RASGRP3: variants seen among roughly 807,000 people sequenced by gnomAD.
RASGRP3 encodes RAS guanyl releasing protein 3, also known as ras guanyl-releasing protein 3.
RASGRP3 carries 54 observed loss-of-function variants against 82.7 expected under a neutral mutation model. The observed-to-expected ratio is 0.65, with a 90% CI of 0.52 to 0.82. RASGRP3 has a LOEUF of 0.82. Among genes scored for constraint, RASGRP3 ranks in the 40% least tolerant of loss-of-function variants. RASGRP3 has a pLI of 0.00. For missense variants in RASGRP3, 861 were observed against 828.9 expected, an observed-to-expected ratio of 1.04 and a Z score of -0.48; for synonymous variants, 309 against 300.5, an observed-to-expected ratio of 1.03 and a Z score of -0.29.
At chr2:33,468,887 G>A (rs1194658402) in intron 2 of RASGRP3, among the ~76,000 whole-genome samples, 1 of 152,146 alleles carries the variant, frequency 6.6e-6, no homozygotes, top group African/African-American at 2.4e-5. Flanking sequence ...AGGAACTGCT[G>A]AGTTAAAGGG....
In RASGRP3 at chr2:33,551,469, A is replaced by G. The variant is rs558452193; in HGVS notation, c.1542+1718A>G. Among the ~76,000 whole-genome samples, 68 of 152,304 alleles carry G rather than the reference A, an allele frequency of 4.5e-4. 1 individual carries two copies. In the South Asian group the frequency reaches 9.3e-3, roughly 21 times the overall value. On this transcript the variant is annotated intron_variant, in intron 14 of 17. Coordinates refer to ENST00000403687, the MANE Select transcript of RASGRP3 (RefSeq NM_001139488.2). ...AAACAAAAGGTCAGGCTGCTGGGCC[A>G]TGGTATGGCTCAGCCAAAAGTCAGG... is the stretch of plus-strand genomic sequence containing the variant.
At chr2:33,439,828 G>A (rs543122387) in intron 1 of RASGRP3, among the ~76,000 whole-genome samples, 40 of 152,234 alleles carry the variant, frequency 2.6e-4, no homozygotes, top group African/African-American at 9.1e-4. Flanking sequence ...ACCTGGGGCC[G>A]ATGAGAAGTT....
intron 1 of RASGRP3, among the ~76,000 whole-genome samples, chr2:33,445,804 AC>A (rs1284751988): frequency 1.3e-5 from 2 of 152,134 alleles, no homozygotes; most frequent in African/African-American, 4.8e-5. Context: ...CAACAAAACC[AC>A]CTTGAATTCA....
chr2:33,517,842 C>A (rs766040213), intron 4 of RASGRP3, among the ~76,000 whole-genome samples: 1 of 152,156 alleles, frequency 6.6e-6, no homozygotes, highest in Non-Finnish European at 1.5e-5. Context: ...GATATTTAGG[C>A]ATAGTAACGT....
intron 1 of RASGRP3, among the ~76,000 whole-genome samples, chr2:33,497,224 GATAA>G (rs1669407775): frequency 6.6e-6 from 1 of 152,134 alleles, no homozygotes; most frequent in Non-Finnish European, 1.5e-5. Flanking sequence ...AGGGTGCTAA[GATAA>G]ATAAATATAT....
upstream of RASGRP3, chr2:33,476,269 C>T (rs911245772): frequency 6.6e-6 from 1 of 152,258 alleles, no homozygotes; most frequent in Non-Finnish European, 1.5e-5. Flanking sequence ...GTGATCCTCT[C>T]TCTTGCCGTT....
intron 17 of RASGRP3, 127 bp downstream of exon 17, chr2:33,559,157 T>C (rs1034655964): frequency 1.3e-6 from 1 of 769,898 alleles, no homozygotes; most frequent in East Asian, 2.7e-5. Flanking sequence ...AATGAAGACA[T>C]GTATCACTTT....
At chr2:33,536,447 C>T (rs542575964) in intron 11 of RASGRP3, among the ~76,000 whole-genome samples, 1 of 152,128 alleles carries the variant, frequency 6.6e-6, no homozygotes, top group South Asian at 2.1e-4. Flanking sequence ...GCCTGTCTTC[C>T]ATCCCAGTGA....
intron 2 of RASGRP3, among the ~76,000 whole-genome samples, chr2:33,453,900 G>GT (rs1346607668): frequency 6.6e-6 from 1 of 151,948 alleles, no homozygotes; most frequent in Non-Finnish European, 1.5e-5. Context: ...AAAAGTGGGG[G>GT]TTTTTTTGGG....
intron 10 of RASGRP3, among the ~76,000 whole-genome samples, chr2:33,530,130 T>G (rs1029265585): frequency 5.9e-5 from 9 of 152,328 alleles, no homozygotes; most frequent in Non-Finnish European, 1.3e-4. Context: ...CCCATATGGC[T>G]GACCACAGCT....
At chr2:33,441,968 A>T (rs1665247874) in intron 1 of RASGRP3, among the ~76,000 whole-genome samples, 2 of 152,238 alleles carry the variant, frequency 1.3e-5, no homozygotes, top group African/African-American at 2.4e-5. Context: ...ATTAAATTAC[A>T]TTATAATATT....
intron 1 of RASGRP3, among the ~76,000 whole-genome samples, chr2:33,510,783 G>A (rs1670858484): frequency 6.6e-6 from 1 of 152,116 alleles, no homozygotes; most frequent in Admixed American, 6.5e-5. Flanking sequence ...TCAGAGATAA[G>A]TCAGACTTTC....
chr2:33,519,548 A>C (rs59255895), intron 4 of RASGRP3, among the ~76,000 whole-genome samples: 3,673 of 152,296 alleles, frequency 0.024, 142 homozygotes, highest in African/African-American at 0.084. Context: ...CAGAGCTTGC[A>C]GTGAACCGAG....
chr2:33,539,325 T>C lies in RASGRP3; in HGVS notation c.1278+115T>C, dbSNP rs750682174. 2.9e-4 allele frequency: 240 copies of C among 825,870 alleles called. 1 individual carries two copies. Among genetic ancestry groups the C allele is most frequent in the Non-Finnish European group, 4.2e-4 (215 of 512,860 alleles). 51.2% of individuals were successfully genotyped at this position (825,870 alleles called of 1,614,324 possible). ...CCCCTGAAAACAACCCTCTGGCAGG[T>C]AGGAACAATTTAGCAGGCACTTAGT... On this transcript the variant is annotated intron_variant, in intron 12 of 17. Transcript: ENST00000403687.
Position 33,545,767 on chromosome 2 carries a change from A to G in RASGRP3, c.1394+2140A>G, listed in dbSNP as rs1359388867. ...AAATGCAAATCAAAACTACGATGAG[A>G]TATCACCTCACACCAGTCAGAATGG... On this transcript the variant is annotated intron_variant, in intron 13 of 17. Coordinates refer to ENST00000403687, the MANE Select transcript of RASGRP3 (RefSeq NM_001139488.2). Among the ~76,000 whole-genome samples, 4 of 148,186 alleles carry G rather than the reference A, an allele frequency of 2.7e-5. No homozygotes were observed. In the East Asian group the frequency reaches 8.0e-4, roughly 30 times the overall value.
At chr2:33,519,415 G>A (rs1172158295) in intron 4 of RASGRP3, among the ~76,000 whole-genome samples, 2 of 152,172 alleles carry the variant, frequency 1.3e-5, no homozygotes, top group African/African-American at 4.8e-5. Context: ...AGGAGATCAA[G>A]ACCATCCTGG....
At chr2:33,542,271 T>A (rs1333119773) in intron 12 of RASGRP3, among the ~76,000 whole-genome samples, 1 of 146,996 alleles carries the variant, frequency 6.8e-6, no homozygotes, top group Non-Finnish European at 1.5e-5. Flanking sequence ...TATACATACA[T>A]GGGTTTGTTT....
intron 1 of RASGRP3, among the ~76,000 whole-genome samples, chr2:33,493,757 A>T (rs1210108016): frequency 2.1e-5 from 3 of 140,362 alleles, no homozygotes; most frequent in African/African-American, 8.8e-5. Flanking sequence ...CTGAATGAAT[A>T]AAAAAAAAAA....
rs537417837 is a variant in RASGRP3 at position 33,437,424 on chromosome 2, G to A, written c.-385+833G>A. Among the ~76,000 whole-genome samples, 8 of 152,286 alleles carry A rather than the reference G, an allele frequency of 5.3e-5. No individual in the cohort carries two copies. The East Asian group carries it at 7.7e-4, about 15-fold the overall frequency. On this transcript the variant is annotated intron_variant, in intron 1 of 18. Transcript: ENST00000402538. ...TAAATGATGCACCATATTTGCATCC[G>A]CTGCTGATAATAACCACATTTGTGT...
Sources: gnomAD v4.1 joint callset for allele counts (sites outside exome capture counted in the v4.1 genomes callset) on GRCh38, gnomAD v4.1.1 for gene constraint, MANE v1.5 for transcripts, NCBI Gene and HGNC (gene_info 2026-07-23, HGNC 2026-07-21) for gene names.